Variants in GREM2 observed in about 807,000 individuals in gnomAD.
GREM2 encodes the protein gremlin 2, DAN family BMP antagonist.
GREM2 carries 11 observed loss-of-function variants against 14.2 expected under a neutral mutation model. The ratio of observed to expected loss-of-function variants is 0.78; its 90% CI spans 0.49 to 1.28. The LOEUF is 1.28. GREM2 is among the 50% of genes most tolerant of loss of function. The pLI is 0.00. For missense variants in GREM2, 210 were observed against 218.5 expected (o/e 0.96, Z 0.24); for synonymous variants, 98 against 97.6 (o/e 1.00, Z -0.02).
chr1:240,518,484 CA>C lies in GREM2; in HGVS notation c.-1-25009del, dbSNP rs1275010834. On this transcript the variant is annotated intron_variant, in intron 1 of 1. Coordinates refer to ENST00000318160, the MANE Select transcript of GREM2 (RefSeq NM_022469.4). ...TTGCTTTTTCTTTAAAGGATGGACACAAATTTTAAACAGAAAATACATCCTT... is the reference window on the plus strand; with the variant it reads ...TTGCTTTTTCTTTAAAGGATGGACACAATTTTAAACAGAAAATACATCCTT... 7.2e-5 allele frequency among the ~76,000 whole-genome samples: 11 copies of C among 152,248 alleles called. No homozygotes were observed. In the South Asian group the frequency reaches 2.1e-3, roughly 29 times the overall value.
chr1:240,562,831 TGTGTGTATATGA>T (rs1336436002), intron 1 of GREM2, among the ~76,000 whole-genome samples: 4 of 148,972 alleles, frequency 2.7e-5, no homozygotes, highest in Non-Finnish European at 5.9e-5. Flanking sequence ...TACACGTGAG[TGTGTGTATATGA>T]GTGTGTATGT....
chr1:240,573,598 A>T (rs1679301514), intron 1 of GREM2, among the ~76,000 whole-genome samples: 1 of 152,142 alleles, frequency 6.6e-6, no homozygotes, highest in African/African-American at 2.4e-5. Context: ...GCGTCCTGCG[A>T]TCTTGATGCC....
intron 1 of GREM2, among the ~76,000 whole-genome samples, chr1:240,504,158 CATA>C (rs1393834413): frequency 6.6e-6 from 1 of 152,104 alleles, no homozygotes; most frequent in Non-Finnish European, 1.5e-5. Flanking sequence ...CAGAAGTGAA[CATA>C]ATTATTAAAA....
At chr1:240,577,661 GTTAGTC>G (rs1204748376) in intron 1 of GREM2, among the ~76,000 whole-genome samples, 1 of 152,224 alleles carries the variant, frequency 6.6e-6, no homozygotes, top group Non-Finnish European at 1.5e-5. Context: ...AGTTTGGGAT[GTTAGTC>G]TTAGTGTCAA....
intron 1 of GREM2, among the ~76,000 whole-genome samples, chr1:240,592,873 C>T (rs1419549987): frequency 6.6e-6 from 1 of 151,914 alleles, no homozygotes; most frequent in East Asian, 1.9e-4. Flanking sequence ...GTGGCTCAAG[C>T]TTGTAATCCC....
chr1:240,578,024 T>C (rs1679404713), intron 1 of GREM2, among the ~76,000 whole-genome samples: 1 of 152,166 alleles, frequency 6.6e-6, no homozygotes, highest in Non-Finnish European at 1.5e-5. Context: ...GCTGGGCTGT[T>C]AGATGTGGAG....
At chr1:240,594,868 C>T (rs1227731833) in intron 1 of GREM2, among the ~76,000 whole-genome samples, 1 of 152,064 alleles carries the variant, frequency 6.6e-6, no homozygotes, top group Non-Finnish European at 1.5e-5. Flanking sequence ...GCCTGCTGCT[C>T]AGAGGCTACC....
chr1:240,513,560 G>A (rs544066699), intron 1 of GREM2, among the ~76,000 whole-genome samples: 7 of 136,316 alleles, frequency 5.1e-5, no homozygotes, highest in Non-Finnish European at 6.2e-5. Flanking sequence ...GGGTGACAGA[G>A]TGAGACTCCA....
At chr1:240,517,463 G>T (rs563750405) in intron 1 of GREM2, among the ~76,000 whole-genome samples, 1 of 152,190 alleles carries the variant, frequency 6.6e-6, no homozygotes, top group Admixed American at 6.5e-5. Context: ...TATTTATTTG[G>T]AAGTATCTCA....
At chr1:240,504,408 A>C (rs565710673) in intron 1 of GREM2, among the ~76,000 whole-genome samples, 1 of 152,220 alleles carries the variant, frequency 6.6e-6, no homozygotes, top group Non-Finnish European at 1.5e-5. Flanking sequence ...GTATGAGTAC[A>C]AGGGTAGTTT....
At position 240,542,017 on chromosome 1, in the gene GREM2, T is replaced by C. The variant is rs1015482543; in HGVS notation, c.-1-48541A>G. Among the ~76,000 whole-genome samples the C allele has an allele frequency of 5.9e-5, 9 of 152,176 alleles. No individual in the cohort carries two copies. The highest frequency in any genetic ancestry group is 1.7e-4 in the African/African-American group (7 of 41,450). On this transcript the variant is annotated intron_variant, in intron 1 of 1. Transcript: ENST00000318160. The surrounding 1 kb of genome is among the most constrained non-coding windows in gnomAD (Gnocchi z 4.1). ...GATGACATTAATGGTTTTAAACTGGTTGTGATTTTGCCCCTCAGGGGACAT... is the reference window on the plus strand; with the variant it reads ...GATGACATTAATGGTTTTAAACTGGCTGTGATTTTGCCCCTCAGGGGACAT...
chr1:240,596,122 A>T (rs748882579), intron 1 of GREM2, among the ~76,000 whole-genome samples: 5 of 152,134 alleles, frequency 3.3e-5, no homozygotes, highest in Admixed American at 6.6e-5. Flanking sequence ...ATCGGTAGGC[A>T]TTATTTTTGT....
intron 1 of GREM2, among the ~76,000 whole-genome samples, chr1:240,585,197 G>A (rs922923427): frequency 6.6e-6 from 1 of 152,058 alleles, no homozygotes; most frequent in Non-Finnish European, 1.5e-5. Context: ...ATAAGCACAT[G>A]TCAGGGCCAA....
chr1:240,574,158 G>A (rs2103368238), intron 1 of GREM2, among the ~76,000 whole-genome samples: 1 of 152,190 alleles, frequency 6.6e-6, no homozygotes, highest in African/African-American at 2.4e-5. Flanking sequence ...CTGACCTTGT[G>A]ATCTGCCCGC....
intron 1 of GREM2, among the ~76,000 whole-genome samples, chr1:240,574,775 G>A (rs1679327620): frequency 6.6e-6 from 1 of 152,086 alleles, no homozygotes; most frequent in Non-Finnish European, 1.5e-5. Context: ...TCTCTAAAAT[G>A]CAACAAGATA....
rs1177115697 is a variant in GREM2, at chr1:240,543,708, G to A, written c.-1-50232C>T. Among the ~76,000 whole-genome samples the A allele has an allele frequency of 6.6e-6, 1 of 151,972 alleles. No individual in the cohort carries two copies. The highest frequency in any genetic ancestry group is 1.5e-5 in the Non-Finnish European group (1 of 68,006). Reference sequence around the variant, plus strand: ...TGTAAACACAAAATATATCATCAAGGGCAACTTACTATATTAAACCTACCT... The same window carrying A: ...TGTAAACACAAAATATATCATCAAGAGCAACTTACTATATTAAACCTACCT... On this transcript the variant is annotated intron_variant, in intron 1 of 1. Coordinates refer to ENST00000318160, the MANE Select transcript of GREM2 (RefSeq NM_022469.4). The surrounding 1 kb of genome is among the most constrained non-coding windows in gnomAD (Gnocchi z 6.4).
chr1:240,526,943 A>G (rs1367725537), intron 1 of GREM2, among the ~76,000 whole-genome samples: 1 of 152,166 alleles, frequency 6.6e-6, no homozygotes, highest in Non-Finnish European at 1.5e-5. Flanking sequence ...TTATCTTGTT[A>G]CCTTTTAACC....
Position 240,492,841 on chromosome 1 carries a change from G to GA in GREM2, c.*127dup. On this transcript the variant is annotated 3_prime_UTR_variant, in exon 2 of 2. Transcript: ENST00000318160. ...GACAAGGACACCGTCAGCCCTAAGA[G>GA]AAGTGCTTGCTGCTGAGGGGGAACA... 1.1e-6 allele frequency: 1 copy of GA among 946,942 alleles called. No homozygotes were observed. 58.7% of individuals were successfully genotyped at this position (946,942 alleles called of 1,614,324 possible).
At chr1:240,544,644 G>C (rs902387114) in intron 1 of GREM2, among the ~76,000 whole-genome samples, 1 of 152,140 alleles carries the variant, frequency 6.6e-6, no homozygotes, top group Non-Finnish European at 1.5e-5. Flanking sequence ...TCATTCCTCT[G>C]TTTTTAGCCC....
Sources: gnomAD v4.1 joint callset for allele counts (sites outside exome capture counted in the v4.1 genomes callset) on GRCh38, gnomAD v4.1.1 for gene constraint, Gnocchi (gnomAD v3.1) non-coding constraint, MANE v1.5 for transcripts, NCBI Gene and HGNC (gene_info 2026-07-23, HGNC 2026-07-21) for gene names.